The following HERC1 variants were observed in gnomAD, a reference collection of about 807,000 sequenced individuals.
HERC1 encodes the protein HECT and RLD domain containing E3 ubiquitin protein ligase family member 1.
A neutral mutation model predicts 554.3 loss-of-function variants in HERC1; 160 were observed. That is an observed-to-expected ratio of 0.29 (90% confidence interval 0.25 to 0.33). The LOEUF (loss-of-function observed/expected upper bound fraction) is 0.33, where lower values mean the gene tolerates loss of function less well. Among genes scored for constraint, HERC1 ranks in the 10% least tolerant of loss-of-function variants. The pLI is 1.00. For synonymous variants in HERC1, 2,175 were observed against 2,131.7 expected (o/e 1.02, Z -0.56); for missense variants, 4,919 against 5,918.5 (o/e 0.83, Z 5.54).
At chr15:63,625,154 G>A (rs754356507) in intron 71 of HERC1, among the ~76,000 whole-genome samples, 3 of 152,066 alleles carry the variant, frequency 2.0e-5, no homozygotes, top group Non-Finnish European at 4.4e-5. Flanking sequence ...ACACACAATA[G>A]CTAGCCACTT....
In HERC1 at chr15:63,677,820, A is replaced by T. The variant is rs1251362121; in HGVS notation, c.7070+25T>A. The T allele has an allele frequency of 6.3e-7, 1 of 1,590,302 alleles. No individual in the cohort carries two copies. The highest frequency in any genetic ancestry group is 8.6e-7 in the Non-Finnish European group (1 of 1,165,376). On this transcript the variant is annotated intron_variant, in intron 37 of 77. Transcript: ENST00000443617. The surrounding 1 kb of genome is among the most constrained non-coding windows in gnomAD (Gnocchi z 4.4). ...TTTCACCATTAAATATTTGTTTGCT[A>T]AAAGTGTAACTCAACAGATCATACC...
intron 18 of HERC1, among the ~76,000 whole-genome samples, chr15:63,723,858 A>G (rs956552797): frequency 6.6e-6 from 1 of 152,204 alleles, no homozygotes; most frequent in Non-Finnish European, 1.5e-5. Context: ...ATTGATATTT[A>G]TATTTGTACA....
intron 34 of HERC1, among the ~76,000 whole-genome samples, chr15:63,681,074 T>G (rs748083821): frequency 2.6e-5 from 4 of 152,218 alleles, no homozygotes; most frequent in Non-Finnish European, 2.9e-5. Flanking sequence ...AGTCCAGAAA[T>G]TAATGAAAAC....
At position 63,833,751 on chromosome 15, in the gene HERC1, GCGCACACACA is replaced by G. The variant is rs1242217143; in HGVS notation, c.-27+66_-27+75del. 7.3e-3 allele frequency: 527 copies of G among 72,342 alleles called. 6 individuals carry two copies. Among genetic ancestry groups the G allele is most frequent in the Middle Eastern group, 6.9e-3 (1 of 144 alleles). The allele number at this position is 72,342 out of a possible 1,614,324, so 4.5% of individuals were successfully genotyped here. ...CGGCCGGCAAAGCACACACGCGCGCGCGCACACACACACACACACACACACACACACACAC... is the reference window on the plus strand; with the variant it reads ...CGGCCGGCAAAGCACACACGCGCGCGCACACACACACACACACACACACAC... On this transcript the variant is annotated intron_variant, in intron 1 of 77. Transcript: ENST00000443617.
chr15:63,797,923 AAT>A (rs1276675896), intron 1 of HERC1, among the ~76,000 whole-genome samples: 1 of 152,350 alleles, frequency 6.6e-6, no homozygotes, highest in African/African-American at 2.4e-5. Flanking sequence ...TCAGGATGTG[AAT>A]ATAAGTCCCC....
chr15:63,674,471 G>A lies in HERC1; in HGVS notation c.7717C>T (p.Arg2573Ter), dbSNP rs750955551. Residue 2573 changes from arginine to a stop codon, truncating the protein, a stop_gained, in exon 38 of 78, where the codon CGA (arginine) becomes TGA (stop). Coordinates refer to ENST00000443617, the MANE Select transcript of HERC1 (RefSeq NM_003922.4). LOFTEE classifies it high-confidence loss of function. Reference sequence around the variant, plus strand: ...TTTATGGGTGACCGCATGACTGCTCGCTTCACCATGTGTCGCATCAAGAAC... The same window carrying A: ...TTTATGGGTGACCGCATGACTGCTCACTTCACCATGTGTCGCATCAAGAAC... ...LQFLMRHMVK[R>*]AVMRSPIKRA... is the part of the protein sequence containing the mutation. 1 of 1,613,820 alleles carries A rather than the reference G, an allele frequency of 6.2e-7. No individual in the cohort carries two copies. The highest frequency in any genetic ancestry group is 8.5e-7 in the Non-Finnish European group (1 of 1,179,846).
At position 63,775,148 on chromosome 15, in the gene HERC1, T is replaced by G; in HGVS notation, c.476A>C (p.Glu159Ala). 3 of 1,614,004 alleles carry G rather than the reference T, an allele frequency of 1.9e-6. No homozygotes were observed. The highest frequency in any genetic ancestry group is 2.5e-6 in the Non-Finnish European group (3 of 1,179,882). ...ACTTAGACCAGTTCGAACACCCATT[T>G]CTATAAGTGCATCAGTGCTTGACCG... Reference protein sequence around the residue: ...RPRSSTDALIEMGVRTGLSLL... With the variant: ...RPRSSTDALIAMGVRTGLSLL... Residue 159 changes from glutamate to alanine, a missense_variant, in exon 2 of 78, where the codon GAA becomes GCA. Glu to Ala is a moderately radical substitution (Grantham distance 107). This residue lies in a region of HERC1 where 744 missense variants were observed against 1,090.0 expected (regional missense o/e 0.68). Transcript: ENST00000443617. The surrounding 1 kb of genome is among the most constrained non-coding windows in gnomAD (Gnocchi z 4.0).
At position 63,774,791 on chromosome 15, in the gene HERC1, A is replaced by ACAACTGC; in HGVS notation, c.826_832dup (p.Val278GlyfsTer22). 6.2e-7 allele frequency: 1 copy of ACAACTGC among 1,613,982 alleles called. No individual in the cohort carries two copies. The highest frequency in any genetic ancestry group is 8.5e-7 in the Non-Finnish European group (1 of 1,179,880). ...TAGTTTGCCTTTCTCCATGGTGTGT[A>ACAACTGC]CAACTGCCGAAGCCCCCAAAGCCAT... On this transcript the variant is annotated frameshift_variant, in exon 2 of 78. Coordinates refer to ENST00000443617, the MANE Select transcript of HERC1 (RefSeq NM_003922.4). LOFTEE classifies it high-confidence loss of function.
At chr15:63,816,634 G>T (rs1211061723) in intron 1 of HERC1, among the ~76,000 whole-genome samples, 1 of 152,238 alleles carries the variant, frequency 6.6e-6, no homozygotes, top group Middle Eastern at 3.4e-3. Context: ...TTTAAATAAA[G>T]TGTATTTATT....
chr15:63,784,585 A>T (rs2076382454), intron 1 of HERC1, among the ~76,000 whole-genome samples: 1 of 148,996 alleles, frequency 6.7e-6, no homozygotes, highest in South Asian at 2.1e-4. Context: ...TTTCTTATAT[A>T]TGCATGTATT....
intron 40 of HERC1, 78 bp from the exon 41 acceptor site, chr15:63,666,550 T>C (rs2070652301): frequency 1.1e-6 from 1 of 884,976 alleles, no homozygotes; most frequent in Non-Finnish European, 1.8e-6. Context: ...TAGTCCTCAA[T>C]TTCCTAGTAT....
At position 63,674,591 on chromosome 15, in the gene HERC1, G is replaced by A. The variant is rs775338409; in HGVS notation, c.7597C>T (p.Leu2533=). ...LGCSKYAELL[L]IPKVLAENGH... is the part of the protein sequence containing the mutation. ...TTTTCAGCCAGAACTTTTGGTATCA[G>A]CAACAGCTCAGCATATTTACTACAG... is the stretch of plus-strand genomic sequence containing the variant. The change falls in exon 38 of 78, where the codon CTG becomes TTG. Residue 2533 remains leucine, a synonymous_variant. Transcript: ENST00000443617. 4 of 1,612,378 alleles carry A rather than the reference G, an allele frequency of 2.5e-6. No homozygotes were observed. The highest frequency in any genetic ancestry group is 3.4e-6 in the Non-Finnish European group (4 of 1,179,170).
In HERC1 at chr15:63,692,535, G is replaced by A; in HGVS notation, c.5706C>T (p.Leu1902=). The change falls in exon 31 of 78, where the codon CTC becomes CTT. Residue 1902 remains leucine (L), a synonymous_variant. Coordinates refer to ENST00000443617, the MANE Select transcript of HERC1 (RefSeq NM_003922.4). This position sits in a 1 kb window ranked among gnomAD's most constrained non-coding sequence, Gnocchi z 4.7. The stretch of plus-strand genomic sequence containing the variant: ...GAAAAACTAAAAAATCCCCTAGATG[G>A]AGTTCGGCTGCATGTTGTTTCCTAA... ...AALRKQHAAE[L]HLGDFLVFLR... The A allele has an allele frequency of 6.2e-7, 1 of 1,610,706 alleles. No homozygotes were observed.
rs1483905449 is a variant in HERC1, at chr15:63,649,888, T to C, written c.10584A>G (p.Val3528=). The change falls in exon 54 of 78, where the codon GTA becomes GTG. Residue 3528 remains valine, a synonymous_variant. Transcript: ENST00000443617. ...CCTCTTCTGGCCAAGCCAGGGCAGA[T>C]ACCCAATGAGGCTGAATATCTACTA... ...KGLVDIQPHW[V]SALAWPEEGP... is the part of the protein sequence containing the mutation. The C allele has an allele frequency of 4.3e-6, 7 of 1,611,592 alleles. No homozygotes were observed. The Admixed American group carries it at 6.7e-5, about 15-fold the overall frequency.
chr15:63,609,413 G>A (rs2067492620), intron 77 of HERC1, 147 bp from the exon 78 acceptor site: 6 of 728,210 alleles, frequency 8.2e-6, no homozygotes, highest in South Asian at 4.4e-5. Flanking sequence ...GGGCCAGATA[G>A]AATGAGCTGA....
intron 58 of HERC1, 134 bp from the exon 59 acceptor site, chr15:63,643,192 T>C: frequency 6.2e-6 from 5 of 806,130 alleles, no homozygotes; most frequent in South Asian, 3.6e-5. Context: ...TCCAATCACA[T>C]ACCTACTACA....
chr15:63,739,195 C>CTTTTTTTTT lies in HERC1; in HGVS notation c.2521-4355_2521-4347dup, dbSNP rs1205943240. On this transcript the variant is annotated intron_variant, in intron 12 of 77. Coordinates refer to ENST00000443617, the MANE Select transcript of HERC1 (RefSeq NM_003922.4). ...AAGACCTCCAACAACCACTAATATA[C>CTTTTTTTTT]TTTTTTTTTTTTTTTTTTTTTAGAT... is the stretch of plus-strand genomic sequence containing the variant. 6.5e-4 allele frequency among the ~76,000 whole-genome samples: 66 copies of CTTTTTTTTT among 102,246 alleles called. 2 individuals carry two copies. Among genetic ancestry groups the CTTTTTTTTT allele is most frequent in the African/African-American group, 2.4e-3 (66 of 27,570 alleles). 67.1% of individuals were successfully genotyped at this position (102,246 alleles called of 152,430 possible). A position where few individuals can be genotyped will look rare whatever the true frequency, so the allele number is the denominator to read the frequency against.
chr15:63,660,567 C>CAA (rs1348674422), intron 46 of HERC1, among the ~76,000 whole-genome samples: 5 of 152,048 alleles, frequency 3.3e-5, no homozygotes, highest in Admixed American at 1.3e-4. Flanking sequence ...GTCATGGGTC[C>CAA]AACAAAGAGT....
At chr15:63,629,351 T>C (rs1758665877) in intron 69 of HERC1, among the ~76,000 whole-genome samples, 1 of 152,208 alleles carries the variant, frequency 6.6e-6, no homozygotes, top group Admixed American at 6.5e-5. Flanking sequence ...ATCTAGCAGA[T>C]GAGTCTTAAT....
Sources: gnomAD v4.1 joint callset for allele counts (sites outside exome capture counted in the v4.1 genomes callset) on GRCh38, gnomAD v4.1.1 for gene constraint, gnomAD v4.1.1 regional missense constraint, Gnocchi (gnomAD v3.1) non-coding constraint, MANE v1.5 for transcripts, NCBI Gene and HGNC (gene_info 2026-07-23, HGNC 2026-07-21) for gene names.